Variants in GALNT14 observed in about 807,000 individuals in gnomAD.
GALNT14 encodes UDP-GalNAc:polypeptide N-acetylgalactosaminyltransferase 14.
A neutral mutation model predicts 77.5 loss-of-function variants in GALNT14; 60 were observed. The observed-to-expected ratio is 0.77, with a 90% CI of 0.63 to 0.96. GALNT14 has a LOEUF of 0.96. Among genes scored for constraint, GALNT14 ranks in the 40% least tolerant of loss-of-function variants. The pLI, the probability that GALNT14 is intolerant of heterozygous loss-of-function variation, is 0.00. For synonymous variants in GALNT14, 280 were observed against 281.7 expected (o/e 0.99, Z 0.06); for missense variants, 710 against 731.0 (o/e 0.97, Z 0.33).
chr2:31,020,411 C>G (rs915522331), intron 1 of GALNT14, among the ~76,000 whole-genome samples: 9 of 152,056 alleles, frequency 5.9e-5, no homozygotes, highest in African/African-American at 2.2e-4. Flanking sequence ...AGCAAAATAC[C>G]TCAAGCAGTC....
At chr2:30,978,452 T>C (rs568057697) in intron 2 of GALNT14, among the ~76,000 whole-genome samples, 4 of 152,324 alleles carry the variant, frequency 2.6e-5, no homozygotes, top group South Asian at 4.1e-4. Context: ...ACAAGGGTCA[T>C]AGCAAAGTTG....
chr2:31,132,152 G>C (rs1286740246), intron 1 of GALNT14, among the ~76,000 whole-genome samples: 1 of 152,108 alleles, frequency 6.6e-6, no homozygotes, highest in African/African-American at 2.4e-5. Context: ...AAGGAAGCTG[G>C]GACACAGCAC....
chr2:30,967,216 A>T (rs893852029), intron 2 of GALNT14, among the ~76,000 whole-genome samples: 23 of 152,142 alleles, frequency 1.5e-4, no homozygotes, highest in African/African-American at 5.6e-4. Flanking sequence ...CCAGGGATGG[A>T]CTTCAAGGGA....
At chr2:30,901,860 G>A in the GALNT14 span, among the ~76,000 whole-genome samples, 27 of 152,194 alleles carry the variant, frequency 1.8e-4, 1 homozygote, top group African/African-American at 6.5e-4. Context: ...ACTGCTCTAG[G>A]GTGATGATTC....
At chr2:31,045,946 T>C (rs966534699) in intron 1 of GALNT14, among the ~76,000 whole-genome samples, 4 of 152,310 alleles carry the variant, frequency 2.6e-5, no homozygotes, top group Non-Finnish European at 4.4e-5. Flanking sequence ...CTGTTACCAC[T>C]GCTGCACAGG....
At chr2:30,989,560 T>TTTTATATA (rs1669526052) in intron 2 of GALNT14, among the ~76,000 whole-genome samples, 1 of 87,108 alleles carries the variant, frequency 1.1e-5, no homozygotes, top group East Asian at 3.7e-4. Flanking sequence ...GGTAAATACC[T>TTTTATATA]TATATATATA....
intron 3 of GALNT14, among the ~76,000 whole-genome samples, chr2:30,964,400 C>T (rs1157729724): frequency 2.0e-5 from 3 of 152,224 alleles, no homozygotes; most frequent in Non-Finnish European, 4.4e-5. Flanking sequence ...ACGCTCCTCC[C>T]CTCACCACAG....
chr2:31,105,096 G>A (rs543863749), intron 1 of GALNT14, among the ~76,000 whole-genome samples: 39 of 152,126 alleles, frequency 2.6e-4, no homozygotes, highest in African/African-American at 8.4e-4. Context: ...GTCATTTTTC[G>A]GTAAGGAAGA....
chr2:31,072,089 A>G (rs1423909950), intron 1 of GALNT14, among the ~76,000 whole-genome samples: 1 of 152,090 alleles, frequency 6.6e-6, no homozygotes, highest in East Asian at 1.9e-4. Flanking sequence ...GTGGAAGAAC[A>G]TGGAGAACCC....
At chr2:31,120,210 G>A (rs1431664155) in intron 1 of GALNT14, among the ~76,000 whole-genome samples, 1 of 148,404 alleles carries the variant, frequency 6.7e-6, no homozygotes, top group African/African-American at 2.5e-5. Context: ...AGGATTTCTA[G>A]AATATATACT....
chr2:30,995,130 TTGTGTGTG>T (rs3058232), intron 1 of GALNT14, among the ~76,000 whole-genome samples: 1,591 of 144,108 alleles, frequency 0.011, 17 homozygotes, highest in African/African-American at 0.028. Context: ...AGAACCAATG[TTGTGTGTG>T]TGTGTGTGTG....
At chr2:30,992,466 C>T (rs1046906787) in intron 2 of GALNT14, among the ~76,000 whole-genome samples, 1 of 152,178 alleles carries the variant, frequency 6.6e-6, no homozygotes, top group Non-Finnish European at 1.5e-5. Context: ...TCCTGCCTTC[C>T]CCTACTTTGG....
intron 2 of GALNT14, among the ~76,000 whole-genome samples, chr2:30,975,502 CT>C (rs1160382060): frequency 6.6e-6 from 1 of 152,162 alleles, no homozygotes; most frequent in Non-Finnish European, 1.5e-5. Flanking sequence ...TTTTACTTAT[CT>C]TTTTTAAAAT....
At chr2:31,095,548 T>A (rs1676957507) in intron 1 of GALNT14, among the ~76,000 whole-genome samples, 1 of 152,026 alleles carries the variant, frequency 6.6e-6, no homozygotes, top group South Asian at 2.1e-4. Flanking sequence ...TTCCTACTCA[T>A]CAGGACACTA....
intron 1 of GALNT14, among the ~76,000 whole-genome samples, chr2:31,078,293 C>T (rs1162512418): frequency 6.6e-6 from 1 of 152,214 alleles, no homozygotes; most frequent in Admixed American, 6.5e-5. Flanking sequence ...TACTGGACAA[C>T]TTTCAAGTTT....
chr2:30,988,170 TCAA>T (rs983344173), intron 2 of GALNT14, among the ~76,000 whole-genome samples: 28 of 152,170 alleles, frequency 1.8e-4, no homozygotes, highest in Non-Finnish European at 3.4e-4. Context: ...TTTCATTTGT[TCAA>T]CATTTATTGA....
intron 1 of GALNT14, among the ~76,000 whole-genome samples, chr2:31,088,639 G>A (rs1167011585): frequency 6.6e-6 from 1 of 152,212 alleles, no homozygotes; most frequent in African/African-American, 2.4e-5. Context: ...ATGCCACTAA[G>A]ATGCTGTGGT....
intron 1 of GALNT14, among the ~76,000 whole-genome samples, chr2:31,032,646 T>C (rs549504945): frequency 6.6e-6 from 1 of 152,110 alleles, no homozygotes; most frequent in African/African-American, 2.4e-5. Context: ...AGGGAAGCTG[T>C]TGAGATTATT....
chr2:31,060,219 T>C (rs148667073), intron 1 of GALNT14, among the ~76,000 whole-genome samples: 7 of 152,302 alleles, frequency 4.6e-5, no homozygotes, highest in African/African-American at 1.4e-4. Flanking sequence ...TGGTTTTCTC[T>C]GCCAGGCTGA....
Sources: allele counts gnomAD v4.1 joint callset (sites outside exome capture counted in the v4.1 genomes callset), GRCh38; gene constraint gnomAD v4.1.1; transcripts MANE v1.5; gene names NCBI Gene and HGNC (gene_info 2026-07-23, HGNC 2026-07-21).